The following ADAMTSL3 variants were observed in gnomAD, a reference collection of about 807,000 sequenced individuals.
The protein encoded by ADAMTSL3 is ADAMTS-like protein 3.
In ADAMTSL3, 128 loss-of-function variants were observed where a neutral mutation model predicts 201.7. That is an observed-to-expected ratio of 0.63 (90% CI 0.55 to 0.73). The LOEUF is 0.73. Ranked by LOEUF, ADAMTSL3 falls within the 30% of genes least tolerant of loss-of-function variation. The pLI is 0.00. For synonymous variants in ADAMTSL3, 738 were observed against 748.4 expected, an observed-to-expected ratio of 0.99 and a Z score of 0.23; for missense variants, 1,990 against 2,119.6, an observed-to-expected ratio of 0.94 and a Z score of 1.20.
intron 9 of ADAMTSL3, among the ~76,000 whole-genome samples, chr15:83,875,629 A>G (rs1343488070): frequency 6.6e-6 from 1 of 152,058 alleles, no homozygotes; most frequent in Admixed American, 6.5e-5. Context: ...CTAAAAATAC[A>G]AAAATTAGCT....
chr15:84,005,134 G>A (rs1281312454), intron 23 of ADAMTSL3, among the ~76,000 whole-genome samples: 1 of 152,122 alleles, frequency 6.6e-6, no homozygotes, highest in African/African-American at 2.4e-5. Context: ...TGGAGTCCTG[G>A]GGAATCAACA....
At chr15:83,902,695 T>C (rs2065750291) in intron 15 of ADAMTSL3, among the ~76,000 whole-genome samples, 1 of 152,192 alleles carries the variant, frequency 6.6e-6, no homozygotes, top group Non-Finnish European at 1.5e-5. Context: ...CCCAGCCTCA[T>C]GTCTGGCCAC....
chr15:83,724,547 G>A (rs1029438875), intron 3 of ADAMTSL3, among the ~76,000 whole-genome samples: 4 of 151,852 alleles, frequency 2.6e-5, no homozygotes, highest in African/African-American at 7.3e-5. Context: ...CTTTCTTTGT[G>A]TTCAGTCAAA....
At chr15:83,799,701 T>C in intron 4 of ADAMTSL3, among the ~76,000 whole-genome samples, 1 of 152,170 alleles carries the variant, frequency 6.6e-6, no homozygotes, top group East Asian at 1.9e-4. Flanking sequence ...ATTTATGACT[T>C]CAAAACTCTT....
intron 6 of ADAMTSL3, among the ~76,000 whole-genome samples, chr15:83,829,558 C>T (rs1352988717): frequency 1.3e-5 from 2 of 151,996 alleles, no homozygotes; most frequent in African/African-American, 4.8e-5. Context: ...TTATTTCTTG[C>T]CTTCTGCTAG....
chr15:83,799,309 A>G (rs1015665682), intron 4 of ADAMTSL3, among the ~76,000 whole-genome samples: 3 of 152,138 alleles, frequency 2.0e-5, no homozygotes, highest in Non-Finnish European at 1.5e-5. Flanking sequence ...TTAGGAAAAT[A>G]GCAAATGTAG....
chr15:83,862,269 T>C (rs527635660), intron 8 of ADAMTSL3: 2 of 152,118 alleles, frequency 1.3e-5, no homozygotes, highest in South Asian at 4.2e-4. Flanking sequence ...ATACAGAGAA[T>C]GCCACAAAGA....
At chr15:83,678,114 C>T (rs1048252757) in intron 2 of ADAMTSL3, among the ~76,000 whole-genome samples, 3 of 152,026 alleles carry the variant, frequency 2.0e-5, no homozygotes, top group Non-Finnish European at 4.4e-5. Context: ...AATATGTCCT[C>T]AATATAGTTT....
chr15:83,699,392 T>C (rs1439489414), intron 2 of ADAMTSL3, among the ~76,000 whole-genome samples: 1 of 152,128 alleles, frequency 6.6e-6, no homozygotes, highest in Non-Finnish European at 1.5e-5. Context: ...CCTTGATTCC[T>C]CCCTTTTCCT....
chr15:83,901,053 G>A (rs2065714468), intron 15 of ADAMTSL3, among the ~76,000 whole-genome samples: 2 of 152,152 alleles, frequency 1.3e-5, no homozygotes, highest in African/African-American at 4.8e-5. Context: ...CTTTGAGAAG[G>A]CACATGTGGC....
intron 5 of ADAMTSL3, among the ~76,000 whole-genome samples, chr15:83,815,633 G>T (rs1596257596): frequency 6.6e-6 from 1 of 152,230 alleles, no homozygotes; most frequent in East Asian, 1.9e-4. Flanking sequence ...AGCTGAGCCA[G>T]ATTAGGCAAG....
chr15:83,684,998 A>C (rs1432043335), intron 2 of ADAMTSL3, among the ~76,000 whole-genome samples: 3 of 152,268 alleles, frequency 2.0e-5, no homozygotes, highest in African/African-American at 7.2e-5. Flanking sequence ...TATTATCTTC[A>C]GTACTTGATA....
intron 19 of ADAMTSL3, among the ~76,000 whole-genome samples, chr15:83,958,364 CCAAGTGGAGAAGGAACA>C (rs1284877568): frequency 6.6e-6 from 1 of 152,168 alleles, no homozygotes; most frequent in African/African-American, 2.4e-5. Flanking sequence ...GAATTATAAT[CCAAGTGGAGAAGGAACA>C]CAAGAGGTAA....
intron 16 of ADAMTSL3, among the ~76,000 whole-genome samples, chr15:83,921,931 G>C (rs943653681): frequency 6.6e-6 from 1 of 151,968 alleles, no homozygotes; most frequent in Non-Finnish European, 1.5e-5. Context: ...AAAAAAAAAG[G>C]CACTTTCATG....
At chr15:83,727,707 A>G (rs866185244) in intron 3 of ADAMTSL3, among the ~76,000 whole-genome samples, 65 of 152,050 alleles carry the variant, frequency 4.3e-4, no homozygotes, top group Middle Eastern at 6.8e-3. Context: ...TTCTAGTTCC[A>G]TTCCATTGTG....
At chr15:83,993,654 C>G (rs1165379066) in intron 23 of ADAMTSL3, among the ~76,000 whole-genome samples, 1 of 152,142 alleles carries the variant, frequency 6.6e-6, no homozygotes, top group Admixed American at 6.5e-5. Context: ...AGAGATATTT[C>G]TTTTAACTAT....
At chr15:83,845,105 T>C (rs1227157777) in intron 7 of ADAMTSL3, among the ~76,000 whole-genome samples, 1 of 152,244 alleles carries the variant, frequency 6.6e-6, no homozygotes, top group Non-Finnish European at 1.5e-5. Context: ...TTCAACGTAG[T>C]TACCTCTTTC....
intron 19 of ADAMTSL3, among the ~76,000 whole-genome samples, chr15:83,967,207 G>T (rs745319358): frequency 1.3e-5 from 2 of 152,058 alleles, no homozygotes; most frequent in Non-Finnish European, 2.9e-5. Context: ...AGTAATAAAT[G>T]GTATTCAAAT....
At position 83,773,764 on chromosome 15, in the gene ADAMTSL3, G is replaced by A. The variant is rs930509405; in HGVS notation, c.317+114G>A. The A allele has an allele frequency of 5.8e-5, 79 of 1,352,134 alleles. No homozygotes were observed. In the African/African-American group the frequency reaches 9.1e-4, roughly 16 times the overall value. 83.8% of individuals were successfully genotyped at this position (1,352,134 alleles called of 1,614,324 possible). ...GAATGTACTGTGATGATGGTGTAAC[G>A]TTTGCTTTGTCTAAATATTAGTCAA... On this transcript the variant is annotated intron_variant, in intron 4 of 29. Transcript: ENST00000286744.
Sources: allele counts gnomAD v4.1 joint callset (sites outside exome capture counted in the v4.1 genomes callset), GRCh38; gene constraint gnomAD v4.1.1; transcripts MANE v1.5; gene names NCBI Gene and HGNC (gene_info 2026-07-23, HGNC 2026-07-21).